NAALADL2: variants seen among roughly 807,000 people sequenced by gnomAD.
NAALADL2 encodes the protein inactive N-acetylated-alpha-linked acidic dipeptidase-like protein 2.
Under a neutral mutation model 87.2 loss-of-function variants are expected in NAALADL2, and 76 were observed. The observed-to-expected ratio is 0.87, with a 90% CI of 0.72 to 1.05. NAALADL2 has a LOEUF of 1.05. Among genes scored for constraint, NAALADL2 ranks in the 50% least tolerant of loss-of-function variants. NAALADL2 has a pLI of 0.00. For synonymous variants in NAALADL2, 354 were observed against 331.0 expected (o/e 1.07, Z -0.75); for missense variants, 1,089 against 945.8 (o/e 1.15, Z -1.99).
intron 2 of NAALADL2, among the ~76,000 whole-genome samples, chr3:175,157,411 CCAGT>C (rs757653332): frequency 8.6e-4 from 130 of 151,950 alleles, no homozygotes; most frequent in Non-Finnish European, 1.2e-3. Flanking sequence ...AAGAATAATA[CCAGT>C]CAGAGTTGCT....
intron 2 of NAALADL2, among the ~76,000 whole-genome samples, chr3:175,210,599 G>A (rs1741626834): frequency 2.6e-5 from 4 of 151,512 alleles, no homozygotes. Flanking sequence ...GGCAAAGGGT[G>A]ATGTGGTAGG....
At chr3:175,796,512 T>C (rs929405022) in intron 13 of NAALADL2, among the ~76,000 whole-genome samples, 3 of 152,174 alleles carry the variant, frequency 2.0e-5, no homozygotes, top group African/African-American at 7.2e-5. Flanking sequence ...AGGATATGTG[T>C]AGTATAAATA....
intron 4 of NAALADL2, among the ~76,000 whole-genome samples, chr3:175,265,130 A>G (rs572805657): frequency 1.3e-5 from 2 of 151,636 alleles, no homozygotes; most frequent in African/African-American, 4.8e-5. Flanking sequence ...AGTGGTTACT[A>G]TTCTATGGAC....
intron 1 of NAALADL2, among the ~76,000 whole-genome samples, chr3:175,042,729 G>A (rs1015776809): frequency 6.6e-6 from 1 of 152,122 alleles, no homozygotes; most frequent in Non-Finnish European, 1.5e-5. Context: ...TCACTTGTAT[G>A]TCTTCTTTTG....
chr3:174,691,453 T>C (rs549820286), intron 2 of NAALADL2, among the ~76,000 whole-genome samples: 102 of 150,710 alleles, frequency 6.8e-4, no homozygotes, highest in South Asian at 1.3e-3. Context: ...AAAAACTGAA[T>C]TGCTAAAAAA....
intron 5 of NAALADL2, among the ~76,000 whole-genome samples, chr3:175,445,340 G>T (rs888557409): frequency 6.6e-6 from 1 of 151,778 alleles, no homozygotes; most frequent in Non-Finnish European, 1.5e-5. Context: ...CATGTAAATA[G>T]TCAAATATTT....
chr3:175,617,890 G>A (rs528417204), intron 10 of NAALADL2, among the ~76,000 whole-genome samples: 50 of 152,180 alleles, frequency 3.3e-4, no homozygotes, highest in South Asian at 1.2e-3. Context: ...CTAGTCTTAC[G>A]TAAGCCCTCC....
At chr3:174,678,382 G>A (rs1727237427) in intron 2 of NAALADL2, among the ~76,000 whole-genome samples, 2 of 152,110 alleles carry the variant, frequency 1.3e-5, no homozygotes, top group South Asian at 4.1e-4. Flanking sequence ...GAAATCACCA[G>A]TTCAAAGGCT....
chr3:175,173,924 T>G (rs1735268336), intron 2 of NAALADL2, among the ~76,000 whole-genome samples: 1 of 151,956 alleles, frequency 6.6e-6, no homozygotes, highest in African/African-American at 2.4e-5. Flanking sequence ...ATAACAGACT[T>G]GAGAATTATA....
chr3:174,856,613 A>G (rs1414062792), upstream of NAALADL2, among the ~76,000 whole-genome samples: 6 of 152,128 alleles, frequency 3.9e-5, no homozygotes, highest in African/African-American at 1.4e-4. Context: ...TATGTTACTT[A>G]ATAATGGTCC....
chr3:175,100,602 C>T (rs1269722315), intron 2 of NAALADL2, among the ~76,000 whole-genome samples: 1 of 152,024 alleles, frequency 6.6e-6, no homozygotes, highest in African/African-American at 2.4e-5. Flanking sequence ...GTTTGGGAGG[C>T]CAAGGAGGGC....
chr3:175,152,994 GAAAAA>G (rs1731770655), intron 2 of NAALADL2, among the ~76,000 whole-genome samples: 1 of 152,032 alleles, frequency 6.6e-6, no homozygotes, highest in Non-Finnish European at 1.5e-5. Flanking sequence ...TTATAAAATA[GAAAAA>G]TTACACATTC....
At chr3:175,154,017 A>C (rs892436953) in intron 2 of NAALADL2, among the ~76,000 whole-genome samples, 1 of 152,216 alleles carries the variant, frequency 6.6e-6, no homozygotes, top group Non-Finnish European at 1.5e-5. Context: ...TTTTCCCCAA[A>C]ATGGAACTTT....
chr3:175,317,958 G>T (rs187428231), intron 4 of NAALADL2, among the ~76,000 whole-genome samples: 2 of 152,190 alleles, frequency 1.3e-5, no homozygotes, highest in Admixed American at 6.5e-5. Flanking sequence ...TATATTTCAT[G>T]AAAATAGATA....
intron 1 of NAALADL2, among the ~76,000 whole-genome samples, chr3:174,984,132 A>G (rs1332894867): frequency 6.6e-6 from 1 of 152,240 alleles, no homozygotes; most frequent in Admixed American, 6.5e-5. Flanking sequence ...CACACACAAT[A>G]ACAACGTATT....
intron 2 of NAALADL2, among the ~76,000 whole-genome samples, chr3:174,639,412 G>C (rs1722957926): frequency 6.6e-6 from 1 of 152,178 alleles, no homozygotes; most frequent in South Asian, 2.1e-4. Context: ...CCTCACTGTG[G>C]GTCTTTGCGC....
At chr3:174,578,736 T>G (rs955448223) in intron 2 of NAALADL2, among the ~76,000 whole-genome samples, 1 of 151,914 alleles carries the variant, frequency 6.6e-6, no homozygotes, top group Admixed American at 6.6e-5. Context: ...TCTTAATTTC[T>G]TTAACAGTCA....
intron 13 of NAALADL2, among the ~76,000 whole-genome samples, chr3:175,774,457 C>A (rs944132675): frequency 6.6e-6 from 1 of 151,960 alleles, no homozygotes; most frequent in Non-Finnish European, 1.5e-5. Flanking sequence ...TTTAAAAATA[C>A]CTGGCTTATT....
At chr3:174,917,779 AAG>A (rs1734609237) in intron 1 of NAALADL2, among the ~76,000 whole-genome samples, 1 of 152,002 alleles carries the variant, frequency 6.6e-6, no homozygotes, top group Non-Finnish European at 1.5e-5. Context: ...GGGAATTAAA[AAG>A]AGAGAAAATC....
Sources: allele counts gnomAD v4.1 joint callset (sites outside exome capture counted in the v4.1 genomes callset), GRCh38; gene constraint gnomAD v4.1.1; transcripts MANE v1.5; gene names NCBI Gene and HGNC (gene_info 2026-07-23, HGNC 2026-07-21).